TIGAR: variants seen among roughly 807,000 people sequenced by gnomAD.
The protein encoded by TIGAR is TP53 induced glycolysis regulatory phosphatase, also known as fructose-2,6-bisphosphatase TIGAR.
In TIGAR, 7 loss-of-function variants were observed where a neutral mutation model predicts 17.9. That is an observed-to-expected ratio of 0.39 (90% CI 0.22 to 0.73). The LOEUF (loss-of-function observed/expected upper bound fraction) is 0.73, where lower values mean the gene tolerates loss of function less well. Among genes scored for constraint, TIGAR ranks in the 30% least tolerant of loss-of-function variants. The pLI is 0.42. For missense variants in TIGAR, 258 were observed against 327.4 expected (o/e 0.79, Z 1.64); for synonymous variants, 94 against 108.6 (o/e 0.87, Z 0.84).
In TIGAR at chr12:4,352,598, A is replaced by C. The variant is rs1470852828; in HGVS notation, c.720A>C (p.Ile240=). The C allele has an allele frequency of 6.2e-7, 1 of 1,612,840 alleles. No individual in the cohort carries two copies. Among genetic ancestry groups the C allele is most frequent in the South Asian group, 1.1e-5 (1 of 91,078 alleles). Residue 240 remains isoleucine (I), a synonymous_variant, in exon 6 of 6, where the codon ATA becomes ATC. Transcript: ENST00000179259. The stretch of plus-strand genomic sequence containing the variant: ...ATACAGGGATGAGTCTCTTTATCAT[A>C]AACTTTGAGGAAGGAAGAGAAGTTA... The part of the protein sequence containing the change: ...TPNTGMSLFI[I]NFEEGREVKP...
intron 1 of TIGAR, among the ~76,000 whole-genome samples, chr12:4,327,937 A>G (rs1304961160): frequency 2.8e-4 from 42 of 152,134 alleles, no homozygotes; most frequent in Admixed American, 2.7e-3. Context: ...AAGTGCTGGG[A>G]TTACAGGCAT....
chr12:4,349,766 A>G, intron 3 of TIGAR, 53 bp from the exon 4 acceptor site: 1 of 1,412,072 alleles, frequency 7.1e-7, no homozygotes, highest in Non-Finnish European at 9.8e-7. Context: ...CAGTGCTTCC[A>G]CCAGAATGGT....
At position 4,352,357 on chromosome 12, in the gene TIGAR, A is replaced by T; in HGVS notation, c.479A>T (p.Asn160Ile). 6.2e-7 allele frequency: 1 copy of T among 1,614,192 alleles called. No homozygotes were observed. Among genetic ancestry groups the T allele is most frequent in the Non-Finnish European group, 8.5e-7 (1 of 1,180,018 alleles). The part of the protein sequence containing the change: ...KEQFSQGSPS[N>I]CLETSLAEIF... ...CAGTTTTCCCAAGGATCTCCAAGCA[A>T]CTGTCTGGAAACTTCTTTGGCAGAG... The change falls in exon 6 of 6, where the codon AAC becomes ATC. Residue 160 changes from asparagine to isoleucine, a missense_variant. Physicochemically the swap from Asn to Ile is moderately radical, Grantham distance 149. Transcript: ENST00000179259.
At chr12:4,322,879 TAGC>T (rs1215830081) in intron 1 of TIGAR, among the ~76,000 whole-genome samples, 2 of 152,148 alleles carry the variant, frequency 1.3e-5, no homozygotes, top group Non-Finnish European at 2.9e-5. Context: ...AGCTAATCGG[TAGC>T]AGAACAGGAA....
Position 4,358,938 on chromosome 12 carries a change from C to T in TIGAR, c.*6247C>T, listed in dbSNP as rs1048130673. On this transcript the variant is annotated 3_prime_UTR_variant, in exon 6 of 6. Coordinates refer to ENST00000179259, the MANE Select transcript of TIGAR (RefSeq NM_020375.3). ...AGGTGAGTTCTTGTGGTTTTTTTTC[C>T]TGACATATCCTCATTATTAGATTTG... Among the ~76,000 whole-genome samples the T allele has an allele frequency of 6.6e-6, 1 of 151,596 alleles. No homozygotes were observed. Among genetic ancestry groups the T allele is most frequent in the Non-Finnish European group, 1.5e-5 (1 of 67,910 alleles).
intron 3 of TIGAR, among the ~76,000 whole-genome samples, chr12:4,341,921 G>C (rs1019284140): frequency 6.6e-6 from 1 of 152,192 alleles, no homozygotes; most frequent in African/African-American, 2.4e-5. Flanking sequence ...GAAAGCTTCA[G>C]ATGATCAGAC....
intron 1 of TIGAR, chr12:4,324,634 C>A (rs1436946496): frequency 1.5e-5 from 22 of 1,448,332 alleles, no homozygotes; most frequent in Admixed American, 1.9e-5. Flanking sequence ...CTTGCGCAGG[C>A]GCTTCAGCAG....
chr12:4,340,495 A>G (rs1358910165), intron 3 of TIGAR, among the ~76,000 whole-genome samples: 2 of 152,240 alleles, frequency 1.3e-5, no homozygotes, highest in Non-Finnish European at 2.9e-5. Context: ...TACAGATTCA[A>G]TGCAATTTCT....
chr12:4,352,215 G>A (rs1591666440), intron 5 of TIGAR, 45 bp from the exon 6 acceptor site: 1 of 1,529,170 alleles, frequency 6.5e-7, no homozygotes, highest in African/African-American at 1.4e-5. Flanking sequence ...TTTTAAGGAA[G>A]TCATTAATGT....
At chr12:4,344,887 C>T (rs1398700244) in intron 3 of TIGAR, among the ~76,000 whole-genome samples, 1 of 152,202 alleles carries the variant, frequency 6.6e-6, no homozygotes, top group Non-Finnish European at 1.5e-5. Context: ...AGCCCCAAAT[C>T]TCCTTAAGCT....
chr12:4,342,405 A>G (rs372965461), intron 3 of TIGAR, among the ~76,000 whole-genome samples: 11 of 152,154 alleles, frequency 7.2e-5, no homozygotes, highest in Non-Finnish European at 1.5e-5. Context: ...GATACTCCTC[A>G]AGAAGAGCAA....
In TIGAR at chr12:4,321,343, C is replaced by T; in HGVS notation, c.32+40C>T. The T allele has an allele frequency of 5.0e-6, 8 of 1,599,438 alleles. No individual in the cohort carries two copies. The highest frequency in any genetic ancestry group is 6.8e-6 in the Non-Finnish European group (8 of 1,179,332). On this transcript the variant is annotated intron_variant, in intron 1 of 5. Transcript: ENST00000179259. This position sits in a 1 kb window ranked among gnomAD's most constrained non-coding sequence, Gnocchi z 5.2. The stretch of plus-strand genomic sequence containing the variant: ...GGCAGGATGTCTTTCTCTCTCTCTT[C>T]CTTGAGTGTGTTGGAGCGGGTGAAG...
chr12:4,322,098 GCGATTCTCCTGCTTCAGCCTCC>G (rs1470155185), intron 1 of TIGAR, among the ~76,000 whole-genome samples: 2 of 152,172 alleles, frequency 1.3e-5, no homozygotes, highest in Non-Finnish European at 1.5e-5. Context: ...CGGGGTTCAA[GCGATTCTCCTGCTTCAGCCTCC>G]CGAGTAGCTG....
intron 1 of TIGAR, among the ~76,000 whole-genome samples, chr12:4,327,401 C>A (rs1453272379): frequency 6.7e-6 from 1 of 149,724 alleles, no homozygotes; most frequent in Non-Finnish European, 1.5e-5. Flanking sequence ...AGAGTGAGAC[C>A]CCATCTCAGA....
At chr12:4,337,998 G>C (rs1864679130) in intron 3 of TIGAR, among the ~76,000 whole-genome samples, 1 of 152,084 alleles carries the variant, frequency 6.6e-6, no homozygotes, top group Non-Finnish European at 1.5e-5. Context: ...AGGTGTGGTG[G>C]CGTGCACCTT....
chr12:4,329,365 G>A (rs1184518753), intron 1 of TIGAR, among the ~76,000 whole-genome samples: 1 of 121,774 alleles, frequency 8.2e-6, no homozygotes, highest in Non-Finnish European at 1.6e-5. Context: ...GTGAGACAGG[G>A]TCTTGCTCTC....
intron 3 of TIGAR, among the ~76,000 whole-genome samples, chr12:4,337,498 A>G (rs887972166): frequency 6.6e-6 from 1 of 152,254 alleles, no homozygotes; most frequent in Non-Finnish European, 1.5e-5. Flanking sequence ...CTGATGTGCC[A>G]AAAGTCTCAA....
intron 3 of TIGAR, among the ~76,000 whole-genome samples, chr12:4,337,718 G>A (rs1456149667): frequency 6.6e-6 from 1 of 152,204 alleles, no homozygotes; most frequent in African/African-American, 2.4e-5. Context: ...AATGACAGGA[G>A]AAATTAATCC....
At chr12:4,348,858 A>G (rs1465979897) in intron 3 of TIGAR, among the ~76,000 whole-genome samples, 2 of 152,250 alleles carry the variant, frequency 1.3e-5, no homozygotes, top group African/African-American at 2.4e-5. Flanking sequence ...GTGAATAAAA[A>G]TGAGCTAAAG....
Sources: allele counts gnomAD v4.1 joint callset (sites outside exome capture counted in the v4.1 genomes callset), GRCh38; gene constraint gnomAD v4.1.1; non-coding constraint Gnocchi (gnomAD v3.1); transcripts MANE v1.5; gene names NCBI Gene and HGNC (gene_info 2026-07-23, HGNC 2026-07-21).